Variants in LYPLAL1 observed in about 807,000 individuals in gnomAD.
LYPLAL1 encodes the protein lysophospholipase like 1.
Under a neutral mutation model 19.7 loss-of-function variants are expected in LYPLAL1, and 23 were observed. The observed-to-expected ratio is 1.17, with a 90% CI of 0.84 to 1.65. The LOEUF (loss-of-function observed/expected upper bound fraction) is 1.65, where lower values mean the gene tolerates loss of function less well. LYPLAL1 is among the 40% of genes most tolerant of loss of function. The pLI is 0.00. For synonymous variants in LYPLAL1, 119 were observed against 96.3 expected, an observed-to-expected ratio of 1.24 and a Z score of -1.38; for missense variants, 355 against 279.4, an observed-to-expected ratio of 1.27 and a Z score of -1.93.
the LYPLAL1 span, among the ~76,000 whole-genome samples, chr1:219,262,353 TC>T: frequency 6.6e-6 from 1 of 152,188 alleles, no homozygotes; most frequent in East Asian, 1.9e-4. Flanking sequence ...ATCTGAGAAT[TC>T]AGAGATTTCT....
chr1:219,417,762 G>A, the LYPLAL1 span, among the ~76,000 whole-genome samples: 2 of 152,320 alleles, frequency 1.3e-5, no homozygotes, highest in South Asian at 2.1e-4. Context: ...CCCATAATTG[G>A]AACAAGGGAA....
chr1:219,190,201 G>C (rs1329468693), intron 2 of LYPLAL1, among the ~76,000 whole-genome samples: 2 of 151,516 alleles, frequency 1.3e-5, no homozygotes, highest in African/African-American at 4.8e-5. Context: ...CACCATTCTA[G>C]ATGTATTAGA....
At chr1:219,372,451 A>C in the LYPLAL1 span, among the ~76,000 whole-genome samples, 1 of 151,618 alleles carries the variant, frequency 6.6e-6, no homozygotes, top group Admixed American at 6.6e-5. Flanking sequence ...TCGGCAAAAA[A>C]CTCTTAATTC....
the LYPLAL1 span, among the ~76,000 whole-genome samples, chr1:219,328,085 G>T: frequency 6.6e-6 from 1 of 152,058 alleles, no homozygotes; most frequent in Non-Finnish European, 1.5e-5. Flanking sequence ...GTCATGTTTT[G>T]CCCCAAATGT....
chr1:219,395,639 A>C, the LYPLAL1 span, among the ~76,000 whole-genome samples: 1 of 151,966 alleles, frequency 6.6e-6, no homozygotes, highest in Non-Finnish European at 1.5e-5. Context: ...CTATTTGTCG[A>C]TTTTTGCTTT....
At chr1:219,378,202 T>C in the LYPLAL1 span, among the ~76,000 whole-genome samples, 14 of 152,248 alleles carry the variant, frequency 9.2e-5, no homozygotes, top group African/African-American at 2.6e-4. Flanking sequence ...AAGACATACC[T>C]GAGACAGGGG....
chr1:219,349,722 A>C, the LYPLAL1 span, among the ~76,000 whole-genome samples: 1 of 152,172 alleles, frequency 6.6e-6, no homozygotes. Context: ...TCAGTCTGGC[A>C]ACAGGACACA....
chr1:219,336,949 G>A, the LYPLAL1 span, among the ~76,000 whole-genome samples: 5 of 152,042 alleles, frequency 3.3e-5, no homozygotes, highest in African/African-American at 9.6e-5. Flanking sequence ...CTACTGGGCT[G>A]GAATCAGGTT....
At chr1:219,370,409 T>C in the LYPLAL1 span, among the ~76,000 whole-genome samples, 1 of 152,196 alleles carries the variant, frequency 6.6e-6, no homozygotes, top group African/African-American at 2.4e-5. Flanking sequence ...ATGCACTTGC[T>C]TCTCTCCCTA....
chr1:219,398,565 C>A, the LYPLAL1 span, among the ~76,000 whole-genome samples: 2 of 152,186 alleles, frequency 1.3e-5, no homozygotes, highest in African/African-American at 4.8e-5. Context: ...ATTTCAGCCA[C>A]CTCAGCACAG....
the LYPLAL1 span, among the ~76,000 whole-genome samples, chr1:219,445,487 T>G: frequency 6.6e-6 from 1 of 151,818 alleles, no homozygotes; most frequent in Non-Finnish European, 1.5e-5. Context: ...TATTTTGGTG[T>G]TTTTTATTAC....
At chr1:219,184,332 AG>A (rs1292315471) in intron 2 of LYPLAL1, among the ~76,000 whole-genome samples, 3 of 152,080 alleles carry the variant, frequency 2.0e-5, no homozygotes, top group Admixed American at 6.5e-5. Flanking sequence ...AATTGTTGCT[AG>A]TACAGAGAAA....
At chr1:219,317,494 AGT>A in the LYPLAL1 span, among the ~76,000 whole-genome samples, 2 of 152,172 alleles carry the variant, frequency 1.3e-5, no homozygotes, top group Admixed American at 1.3e-4. Flanking sequence ...CCCTGAACAC[AGT>A]GTTCCCAAAC....
chr1:219,402,418 G>A, the LYPLAL1 span, among the ~76,000 whole-genome samples: 1 of 152,032 alleles, frequency 6.6e-6, no homozygotes, highest in Non-Finnish European at 1.5e-5. Flanking sequence ...ACTAGAAGCA[G>A]TTTGTTTAAA....
At chr1:219,344,334 C>A in the LYPLAL1 span, among the ~76,000 whole-genome samples, 1 of 152,190 alleles carries the variant, frequency 6.6e-6, no homozygotes, top group Non-Finnish European at 1.5e-5. Flanking sequence ...AGTGGCTCCT[C>A]CTTTGACTTC....
the LYPLAL1 span, among the ~76,000 whole-genome samples, chr1:219,347,017 C>G: frequency 6.6e-6 from 1 of 152,194 alleles, no homozygotes; most frequent in South Asian, 2.1e-4. Flanking sequence ...ACCACACAAG[C>G]ACCTCTGACA....
chr1:219,266,893 ATTTC>A, the LYPLAL1 span, among the ~76,000 whole-genome samples: 1 of 152,106 alleles, frequency 6.6e-6, no homozygotes, highest in Non-Finnish European at 1.5e-5. Flanking sequence ...TTTTCCCTTT[ATTTC>A]TTGTTCTCCA....
chr1:219,188,189 T>C (rs1187932747), intron 2 of LYPLAL1, among the ~76,000 whole-genome samples: 1 of 151,766 alleles, frequency 6.6e-6, no homozygotes, highest in African/African-American at 2.4e-5. Context: ...GTGGAAAGAA[T>C]GAAGTCCCTG....
At chr1:219,198,165 T>C (rs1162230783) in intron 3 of LYPLAL1, among the ~76,000 whole-genome samples, 1 of 152,162 alleles carries the variant, frequency 6.6e-6, no homozygotes, top group Non-Finnish European at 1.5e-5. Context: ...AAATCAAGTC[T>C]CTTGTTGAAT....
Sources: allele counts gnomAD v4.1 joint callset (sites outside exome capture counted in the v4.1 genomes callset), GRCh38; gene constraint gnomAD v4.1.1; transcripts MANE v1.5; gene names NCBI Gene and HGNC (gene_info 2026-07-23, HGNC 2026-07-21).